The following PSTPIP1 variants were observed in gnomAD, a reference collection of about 807,000 sequenced individuals.
PSTPIP1 encodes proline-serine-threonine phosphatase interacting protein 1, also known as proline-serine-threonine phosphatase-interacting protein 1.
In PSTPIP1, 66 loss-of-function variants were observed where a neutral mutation model predicts 69.6. That is an observed-to-expected ratio of 0.95 (90% CI 0.78 to 1.16). The LOEUF (loss-of-function observed/expected upper bound fraction) is 1.16, where lower values mean the gene tolerates loss of function less well. Among genes scored for constraint, PSTPIP1 ranks in the 50% most tolerant of loss-of-function variants. The pLI is 0.00. For synonymous variants in PSTPIP1, 266 were observed against 222.7 expected (o/e 1.19, Z -1.73); for missense variants, 603 against 557.4 (o/e 1.08, Z -0.82).
intron 3 of PSTPIP1, among the ~76,000 whole-genome samples, chr15:77,024,965 G>C (rs892036609): frequency 6.6e-6 from 1 of 152,168 alleles, no homozygotes; most frequent in Non-Finnish European, 1.5e-5. Context: ...GAGGGAGGGA[G>C]GGTCCTGAAG....
At chr15:77,013,302 C>T (rs893302931) in intron 1 of PSTPIP1, among the ~76,000 whole-genome samples, 6 of 152,180 alleles carry the variant, frequency 3.9e-5, no homozygotes, top group Admixed American at 6.5e-5. Context: ...CCCAGTTCCC[C>T]GACTTTCACT....
At position 77,029,525 on chromosome 15, in the gene PSTPIP1, T is replaced by G; in HGVS notation, c.517-4T>G. 1.3e-6 allele frequency: 2 copies of G among 1,578,006 alleles called. No homozygotes were observed. The highest frequency in any genetic ancestry group is 2.3e-5 in the South Asian group (2 of 85,924). On this transcript the variant is annotated splice_region_variant and splice_polypyrimidine_tract_variant and intron_variant, in intron 7 of 14. Transcript: ENST00000558012. ...TTAGCGCTGCTTCCCCTCTGTTTCC[T>G]CAGAGTCAGAACAAAGCCAGGCAGT...
At chr15:77,000,690 A>ATT (rs1371318019) in intron 1 of PSTPIP1, among the ~76,000 whole-genome samples, 1 of 151,918 alleles carries the variant, frequency 6.6e-6, no homozygotes, top group Non-Finnish European at 1.5e-5. Flanking sequence ...ATAATTTTGT[A>ATT]TTTTCCCTTT....
At position 77,032,807 on chromosome 15, in the gene PSTPIP1, G is replaced by T; in HGVS notation, c.839-55G>T. Reference sequence around the variant, plus strand: ...TGTAGGGCCCCAGCTGAGTCTGGCAGGGCCAGAATGGGGTGTTGGGGGCCG... The same window carrying T: ...TGTAGGGCCCCAGCTGAGTCTGGCATGGCCAGAATGGGGTGTTGGGGGCCG... On this transcript the variant is annotated intron_variant, in intron 11 of 14. Coordinates refer to ENST00000558012, the MANE Select transcript of PSTPIP1 (RefSeq NM_003978.5). 4.1e-6 allele frequency: 6 copies of T among 1,446,610 alleles called. No individual in the cohort carries two copies. In the East Asian group the frequency reaches 1.2e-4, roughly 30 times the overall value. 89.6% of individuals were successfully genotyped at this position (1,446,610 alleles called of 1,614,324 possible).
intron 1 of PSTPIP1, among the ~76,000 whole-genome samples, chr15:76,996,233 A>T (rs2075576493): frequency 6.6e-6 from 1 of 152,156 alleles, no homozygotes; most frequent in Admixed American, 6.5e-5. Flanking sequence ...TTACTTTCTT[A>T]AATTCAACAC....
intron 10 of PSTPIP1, chr15:77,031,822 C>A (rs2076424946): frequency 5.6e-6 from 1 of 179,014 alleles, no homozygotes; most frequent in Admixed American, 5.6e-5. Flanking sequence ...GCAGCCCTGG[C>A]CCCCTTGCCT....
At chr15:77,030,673 C>T (rs1391685289) in intron 9 of PSTPIP1, 92 bp downstream of exon 9, 14 of 1,244,478 alleles carry the variant, frequency 1.1e-5, no homozygotes, top group East Asian at 2.6e-5. Flanking sequence ...CCAAGTGAGG[C>T]AGTTGGGGAA....
intron 1 of PSTPIP1, chr15:77,015,829 A>G: frequency 2.3e-6 from 1 of 436,942 alleles, no homozygotes; most frequent in African/African-American, 2.0e-5. Context: ...GGAACATCCC[A>G]GTCCTTGTGA....
rs568503340 is a variant in PSTPIP1 at position 77,018,500 on chromosome 15, G to A, written c.181G>A (p.Ala61Thr). The change falls in exon 3 of 15, where the codon GCA becomes ACA. Residue 61 changes from alanine (A) to threonine (T), a missense_variant. Physicochemically the swap from Ala to Thr is moderately conservative, Grantham distance 58 (BLOSUM62 0). Transcript: ENST00000558012. ...GTACGGGAAGGAGCTGGTGCAGATC[G>A]CACGGAAGGCAGGTGGCCAGACGGA... ...ERYGKELVQI[A>T]RKAGGQTEIN... is the part of the protein sequence containing the mutation. The A allele has an allele frequency of 1.7e-5, 27 of 1,580,528 alleles. No individual in the cohort carries two copies. The highest frequency in any genetic ancestry group is 1.4e-4 in the South Asian group (12 of 86,204).
intron 1 of PSTPIP1, among the ~76,000 whole-genome samples, chr15:77,014,333 G>T (rs529122841): frequency 3.9e-5 from 6 of 152,268 alleles, no homozygotes; most frequent in African/African-American, 1.4e-4. Flanking sequence ...ACCTCTAGGC[G>T]GTGAGAACTA....
At chr15:77,003,734 T>G (rs1409741434) in intron 1 of PSTPIP1, among the ~76,000 whole-genome samples, 1 of 152,084 alleles carries the variant, frequency 6.6e-6, no homozygotes. Flanking sequence ...CTAGGTGGCC[T>G]TGGAGAATCA....
chr15:77,031,149 T>C, intron 9 of PSTPIP1, 31 bp from the exon 10 acceptor site: 1 of 1,601,942 alleles, frequency 6.2e-7, no homozygotes, highest in African/African-American at 1.3e-5. Flanking sequence ...AGCCGCCTCC[T>C]CACTGCTCAC....
At chr15:77,023,417 C>G (rs2076206108) in intron 3 of PSTPIP1, among the ~76,000 whole-genome samples, 1 of 152,148 alleles carries the variant, frequency 6.6e-6, no homozygotes, top group Non-Finnish European at 1.5e-5. Flanking sequence ...GCAGGGCTGA[C>G]AGGTGGGAGG....
At position 77,031,278 on chromosome 15, in the gene PSTPIP1, G is replaced by A; in HGVS notation, c.741G>A (p.Glu247=). 6.2e-7 allele frequency: 1 copy of A among 1,612,508 alleles called. No homozygotes were observed. The highest frequency in any genetic ancestry group is 8.5e-7 in the Non-Finnish European group (1 of 1,179,344). Residue 247 remains glutamate (E), a splice_region_variant and synonymous_variant, in exon 10 of 15, where the codon GAG becomes GAA. Transcript: ENST00000558012. ...QLSMQCVKDD[E]LYEEVRLTLE... ...CCATGCAGTGTGTCAAGGATGATGA[G>A]GTGGGGGCTGAGGGCCTTGGTGTGG...
chr15:77,028,782 C>A, intron 7 of PSTPIP1, 130 bp downstream of exon 7: 1 of 796,528 alleles, frequency 1.3e-6, no homozygotes, highest in Non-Finnish European at 1.9e-6. Context: ...CTCTGACCCC[C>A]AATCTCCCCA....
chr15:77,014,000 G>A (rs968869683), intron 1 of PSTPIP1, among the ~76,000 whole-genome samples: 2 of 152,176 alleles, frequency 1.3e-5, no homozygotes, highest in African/African-American at 4.8e-5. Context: ...TTTCTGGTCG[G>A]GGAGGTGGCA....
intron 3 of PSTPIP1, among the ~76,000 whole-genome samples, chr15:77,020,291 T>C (rs2076135134): frequency 6.6e-6 from 1 of 152,092 alleles, no homozygotes; most frequent in South Asian, 2.1e-4. Flanking sequence ...CCCTGACTTA[T>C]CCTTTGTGTG....
intron 12 of PSTPIP1, 30 bp downstream of exon 12, chr15:77,032,982 T>C: frequency 6.4e-7 from 1 of 1,569,588 alleles, no homozygotes; most frequent in Non-Finnish European, 8.6e-7. Context: ...AGGGAGGGCC[T>C]AAGGCTGGGC....
intron 1 of PSTPIP1, among the ~76,000 whole-genome samples, chr15:77,003,186 G>A (rs1293085733): frequency 6.6e-6 from 1 of 152,152 alleles, no homozygotes; most frequent in African/African-American, 2.4e-5. Flanking sequence ...GCTGTGAGTG[G>A]GATGCCCTTC....
Sources: gnomAD v4.1 joint callset for allele counts (sites outside exome capture counted in the v4.1 genomes callset) on GRCh38, gnomAD v4.1.1 for gene constraint, MANE v1.5 for transcripts, NCBI Gene and HGNC (gene_info 2026-07-23, HGNC 2026-07-21) for gene names.